The following AGBL1 variants were observed in gnomAD, a reference collection of about 807,000 sequenced individuals.
AGBL1 encodes AGBL carboxypeptidase 1.
AGBL1 carries 130 observed loss-of-function variants against 118.9 expected under a neutral mutation model. The ratio of observed to expected loss-of-function variants is 1.09; its 90% CI spans 0.95 to 1.26. AGBL1 has a LOEUF of 1.26. Ranked by LOEUF, AGBL1 falls within the 50% of genes most tolerant of loss-of-function variation. The probability of loss-of-function intolerance (pLI) is 0.00; values close to 1 mark genes in which losing one functional copy is unlikely to be tolerated. For missense variants in AGBL1, 1,584 were observed against 1,298.1 expected (o/e 1.22, Z -3.38); for synonymous variants, 555 against 478.9 (o/e 1.16, Z -2.08).
rs138141614 is a variant in AGBL1, at chr15:86,924,890, A to G, written c.3222-63097A>G. Among the ~76,000 whole-genome samples, 441 of 152,008 alleles carry G rather than the reference A, an allele frequency of 2.9e-3. 1 individual carries two copies. The highest frequency in any genetic ancestry group is 9.8e-3 in the African/African-American group (407 of 41,382). Reference sequence around the variant, plus strand: ...GGAGATTGAGACCATCCTGGCTAACATGGTGAAACCCCGTCTCTACTAAAA... The same window carrying G: ...GGAGATTGAGACCATCCTGGCTAACGTGGTGAAACCCCGTCTCTACTAAAA... On this transcript the variant is annotated intron_variant, in intron 23 of 24. Transcript: ENST00000441037.
intron 21 of AGBL1, among the ~76,000 whole-genome samples, chr15:86,635,309 T>TTCC: frequency 2.9e-4 from 1 of 3,418 alleles, no homozygotes; most frequent in Non-Finnish European, 9.4e-4. Context: ...CCCCTCCTCC[T>TTCC]CCTCCTCCTC....
chr15:86,717,919 A>G (rs984101757), intron 22 of AGBL1, among the ~76,000 whole-genome samples: 6 of 152,140 alleles, frequency 3.9e-5, no homozygotes, highest in African/African-American at 1.2e-4. Context: ...CTCTACTAAA[A>G]ATACAAAAAT....
In AGBL1 at chr15:86,522,831, G is replaced by A; in HGVS notation, c.2577G>A (p.Gly859=). 6.2e-7 allele frequency: 1 copy of A among 1,613,740 alleles called. No homozygotes were observed. Among genetic ancestry groups the A allele is most frequent in the Non-Finnish European group, 8.5e-7 (1 of 1,179,692 alleles). The part of the protein sequence containing the change: ...INGNHRCSLS[G]EDLNRQWLSP... The stretch of plus-strand genomic sequence containing the variant: ...GTAGCCACAGATGCTCACTGAGCGG[G>A]GAAGATTTGAACAGACAATGGCTTT... The change falls in exon 19 of 23, where the codon GGG becomes GGA. Residue 859 remains glycine (G), a synonymous_variant. Transcript: ENST00000614907.
intron 22 of AGBL1, among the ~76,000 whole-genome samples, chr15:86,768,755 A>G (rs976080263): frequency 6.6e-6 from 1 of 151,644 alleles, no homozygotes; most frequent in African/African-American, 2.4e-5. Flanking sequence ...ATAGTCGTTT[A>G]TTGTTTACTA....
intron 22 of AGBL1, among the ~76,000 whole-genome samples, chr15:86,886,141 C>T (rs987939445): frequency 6.6e-6 from 1 of 152,158 alleles, no homozygotes; most frequent in African/African-American, 2.4e-5. Context: ...TGTAAACATC[C>T]TGTTCTCATA....
At chr15:86,836,388 G>C (rs1048835365) in intron 22 of AGBL1, among the ~76,000 whole-genome samples, 26 of 152,226 alleles carry the variant, frequency 1.7e-4, no homozygotes, top group African/African-American at 5.8e-4. Flanking sequence ...AGAGGTATTA[G>C]CGTACCAATT....
At chr15:86,688,034 G>A (rs1212637143) in intron 22 of AGBL1, among the ~76,000 whole-genome samples, 1 of 152,072 alleles carries the variant, frequency 6.6e-6, no homozygotes, top group Non-Finnish European at 1.5e-5. Context: ...ATGAGAACAG[G>A]GCATGAAATG....
chr15:86,626,581 T>A (rs1265997085), intron 21 of AGBL1, among the ~76,000 whole-genome samples: 1 of 152,082 alleles, frequency 6.6e-6, no homozygotes, highest in Non-Finnish European at 1.5e-5. Flanking sequence ...TGACAAATAA[T>A]CTGTACAACA....
chr15:86,836,809 T>C (rs2079176770), intron 22 of AGBL1, among the ~76,000 whole-genome samples: 1 of 152,158 alleles, frequency 6.6e-6, no homozygotes, highest in South Asian at 2.1e-4. Flanking sequence ...AAAGAATCCA[T>C]CTCAGAGGGA....
chr15:86,804,414 A>T (rs2078690803), intron 22 of AGBL1, among the ~76,000 whole-genome samples: 1 of 152,162 alleles, frequency 6.6e-6, no homozygotes, highest in African/African-American at 2.4e-5. Context: ...AGTGTTTCTA[A>T]TTCACCATAT....
intron 22 of AGBL1, among the ~76,000 whole-genome samples, chr15:86,809,387 A>G (rs778047978): frequency 6.6e-6 from 1 of 152,146 alleles, no homozygotes; most frequent in Non-Finnish European, 1.5e-5. Flanking sequence ...TAACATCTCA[A>G]AAAGCCATTT....
intron 18 of AGBL1, among the ~76,000 whole-genome samples, chr15:86,433,548 G>T (rs1848436953): frequency 6.6e-6 from 1 of 152,000 alleles, no homozygotes; most frequent in African/African-American, 2.4e-5. Context: ...CAGCAACTTT[G>T]ACCGCCATTC....
At chr15:86,422,128 A>T (rs969460237) in intron 18 of AGBL1, among the ~76,000 whole-genome samples, 1 of 152,208 alleles carries the variant, frequency 6.6e-6, no homozygotes, top group African/African-American at 2.4e-5. Flanking sequence ...CTCGACCTCA[A>T]ATCAACAGAA....
intron 1 of AGBL1, among the ~76,000 whole-genome samples, chr15:86,105,747 A>G (rs985394983): frequency 3.3e-5 from 5 of 152,212 alleles, no homozygotes; most frequent in Non-Finnish European, 5.9e-5. Context: ...TGATTACACA[A>G]ATAAGTGTCT....
chr15:86,218,428 G>C lies in AGBL1; in HGVS notation c.489-6486G>C, dbSNP rs550333407. On this transcript the variant is annotated intron_variant, in intron 5 of 22. Transcript: ENST00000614907. Reference sequence around the variant, plus strand: ...CTAAACATTGCAAGAAGCTTTGGGTGGGGGACAGACTCTCAGGTGGCCCCC... The same window carrying C: ...CTAAACATTGCAAGAAGCTTTGGGTCGGGGACAGACTCTCAGGTGGCCCCC... 6.6e-5 allele frequency among the ~76,000 whole-genome samples: 10 copies of C among 152,276 alleles called. No individual in the cohort carries two copies. The South Asian group carries it at 1.9e-3, about 28-fold the overall frequency.
At chr15:86,351,693 A>G (rs942801436) in intron 17 of AGBL1, among the ~76,000 whole-genome samples, 1 of 152,108 alleles carries the variant, frequency 6.6e-6, no homozygotes, top group African/African-American at 2.4e-5. Context: ...TTTTTTTATA[A>G]GTTTACATCC....
chr15:86,958,746 A>C (rs1469934545), intron 23 of AGBL1, among the ~76,000 whole-genome samples: 1 of 152,176 alleles, frequency 6.6e-6, no homozygotes, highest in African/African-American at 2.4e-5. Context: ...GAAGATATTC[A>C]TTTTGGCACA....
At chr15:86,681,616 T>C (rs1170076740) in intron 22 of AGBL1, among the ~76,000 whole-genome samples, 1 of 152,206 alleles carries the variant, frequency 6.6e-6, no homozygotes, top group Non-Finnish European at 1.5e-5. Context: ...TTTTGGTCTA[T>C]TCATTTTGAA....
At chr15:86,997,403 C>T (rs968294140) in intron 24 of AGBL1, among the ~76,000 whole-genome samples, 1 of 152,114 alleles carries the variant, frequency 6.6e-6, no homozygotes, top group South Asian at 2.1e-4. Context: ...TCAAATTTCC[C>T]CTGGCCCTAA....
Sources: gnomAD v4.1 joint callset for allele counts (sites outside exome capture counted in the v4.1 genomes callset) on GRCh38, gnomAD v4.1.1 for gene constraint, MANE v1.5 for transcripts, NCBI Gene and HGNC (gene_info 2026-07-23, HGNC 2026-07-21) for gene names.